NIPBL: variants seen among roughly 807,000 people sequenced by gnomAD.
The protein encoded by NIPBL is NIPBL cohesin loading factor.
Under a neutral mutation model 321.8 loss-of-function variants are expected in NIPBL, and 19 were observed. That is an observed-to-expected ratio of 0.06 (90% CI 0.04 to 0.09). NIPBL has a LOEUF of 0.09. Ranked by LOEUF, NIPBL falls within the 10% of genes least tolerant of loss-of-function variation. The pLI, the probability that NIPBL is intolerant of heterozygous loss-of-function variation, is 1.00. For missense variants in NIPBL, 2,210 were observed against 3,327.0 expected (o/e 0.66, Z 8.26); for synonymous variants, 1,106 against 1,114.1 (o/e 0.99, Z 0.14).
intron 42 of NIPBL, among the ~76,000 whole-genome samples, chr5:37,054,079 C>G (rs962508856): frequency 6.6e-6 from 1 of 151,854 alleles, no homozygotes; most frequent in Non-Finnish European, 1.5e-5. Flanking sequence ...GCCTGTAATC[C>G]CAGCTACTCA....
intron 32 of NIPBL, among the ~76,000 whole-genome samples, chr5:37,033,705 C>CACACACACATATATATAT (rs1415570935): frequency 2.5e-5 from 2 of 80,240 alleles, no homozygotes; most frequent in African/African-American, 9.6e-5. Flanking sequence ...CACACACACA[C>CACACACACATATATATAT]ATATATATAT....
intron 1 of NIPBL, among the ~76,000 whole-genome samples, chr5:36,896,714 C>T (rs12516349): frequency 1.3e-5 from 2 of 152,150 alleles, no homozygotes; most frequent in East Asian, 3.9e-4. Context: ...ATTATTGTTC[C>T]TTAGCCTCCG....
At chr5:36,908,795 T>G (rs1008435551) in intron 1 of NIPBL, among the ~76,000 whole-genome samples, 1 of 152,208 alleles carries the variant, frequency 6.6e-6, no homozygotes, top group Admixed American at 6.6e-5. Flanking sequence ...TTAAAAAGTT[T>G]AAGCAGAGAC....
chr5:37,044,286 G>A (rs979231687), intron 34 of NIPBL, 61 bp from the exon 35 acceptor site: 5 of 1,486,728 alleles, frequency 3.4e-6, no homozygotes, highest in Non-Finnish European at 4.7e-6. Flanking sequence ...AATACGTAAA[G>A]CTGTATATAG....
At chr5:37,059,211 A>G (rs766414298) in intron 44 of NIPBL, 46 bp downstream of exon 44, 16 of 1,602,384 alleles carry the variant, frequency 1.0e-5, no homozygotes, top group East Asian at 4.5e-5. Flanking sequence ...CTCTGTTCAA[A>G]TAATAAATAT....
intron 32 of NIPBL, among the ~76,000 whole-genome samples, chr5:37,033,730 A>ATTT (rs58081432): frequency 6.0e-4 from 13 of 21,504 alleles, no homozygotes; most frequent in Middle Eastern, 0.033. Flanking sequence ...ATATATATAT[A>ATTT]TTTTTTTTTT....
At chr5:37,026,866 T>C (rs1177801751) in intron 31 of NIPBL, among the ~76,000 whole-genome samples, 2 of 150,310 alleles carry the variant, frequency 1.3e-5, no homozygotes, top group East Asian at 3.9e-4. Flanking sequence ...TGCCTGTGAA[T>C]AGGCACTACA....
At chr5:36,924,549 T>C (rs947611931) in intron 1 of NIPBL, among the ~76,000 whole-genome samples, 4 of 152,184 alleles carry the variant, frequency 2.6e-5, no homozygotes, top group African/African-American at 9.7e-5. Context: ...TCAGGAACAC[T>C]GTATTGTCTT....
At chr5:36,918,631 TG>T (rs1369223174) in intron 1 of NIPBL, among the ~76,000 whole-genome samples, 6 of 152,210 alleles carry the variant, frequency 3.9e-5, no homozygotes, top group Non-Finnish European at 8.8e-5. Context: ...TTCCAGTTTT[TG>T]CCCATTCAGT....
chr5:37,047,189 C>T (rs1416987509), intron 38 of NIPBL, among the ~76,000 whole-genome samples: 1 of 152,038 alleles, frequency 6.6e-6, no homozygotes, highest in Admixed American at 6.6e-5. Flanking sequence ...TTTTGGTATC[C>T]CTGGGAGGTT....
At chr5:36,909,677 GA>G (rs1336875092) in intron 1 of NIPBL, among the ~76,000 whole-genome samples, 3 of 152,040 alleles carry the variant, frequency 2.0e-5, no homozygotes, top group African/African-American at 7.2e-5. Flanking sequence ...TATAAATAGA[GA>G]AAAGGTTAAA....
rs979760892 is a variant in NIPBL, at chr5:36,886,141, A to G, written c.-80+8963A>G. ...CCTTGGAGATCCATCTGGACTTGAT[A>G]AGAAATCTGAAGGCCAGCTTCTGGA... On this transcript the variant is annotated intron_variant, in intron 1 of 46. Coordinates refer to ENST00000282516, the MANE Select transcript of NIPBL (RefSeq NM_133433.4). 1.6e-5 allele frequency: 10 copies of G among 644,132 alleles called. No individual in the cohort carries two copies. The African/African-American group carries it at 1.6e-4, about 10-fold the overall frequency. 39.9% of individuals were successfully genotyped at this position (644,132 alleles called of 1,614,324 possible).
At chr5:36,982,382 A>G (rs914509593) in intron 9 of NIPBL, among the ~76,000 whole-genome samples, 2 of 151,812 alleles carry the variant, frequency 1.3e-5, no homozygotes, top group African/African-American at 4.8e-5. Flanking sequence ...TCATGGTGGA[A>G]TTGAATCAGA....
Position 36,876,905 on chromosome 5 carries a change from C to T in NIPBL, c.-353C>T, listed in dbSNP as rs1580120142. 1 of 396,096 alleles carries T rather than the reference C, an allele frequency of 2.5e-6. No individual in the cohort carries two copies. The highest frequency in any genetic ancestry group is 1.3e-4 in the South Asian group (1 of 7,738). The allele number at this position is 396,096 out of a possible 1,614,324, so 24.5% of individuals were successfully genotyped here. A position where few individuals can be genotyped will look rare whatever the true frequency, so the allele number is the denominator to read the frequency against. ...CCGCAGGGAGGGACGCCCCCGCCGA[C>T]AGGAGAATTGGTTCCCGGGCCCGCG... On this transcript the variant is annotated 5_prime_UTR_variant, in exon 1 of 47. Transcript: ENST00000282516.
chr5:37,036,692 T>C lies in NIPBL; in HGVS notation c.5971+205T>C, dbSNP rs150180288. Among the ~76,000 whole-genome samples the C allele has an allele frequency of 7.9e-4, 119 of 150,984 alleles. No homozygotes were observed. In the East Asian group the frequency reaches 0.014, roughly 17 times the overall value. ...AGATTGACTAAGATTATCTAGAGCA[T>C]TGTAATAAAAGCATGGGCCTCACCT... On this transcript the variant is annotated intron_variant, in intron 33 of 46. Transcript: ENST00000282516.
At chr5:36,952,051 TGTGC>T (rs1554010253) in intron 1 of NIPBL, among the ~76,000 whole-genome samples, 206 of 102,882 alleles carry the variant, frequency 2.0e-3, no homozygotes, top group African/African-American at 4.0e-3. Flanking sequence ...TGTGTGTGTG[TGTGC>T]GCGCGCGCGC....
At chr5:37,054,594 T>C (rs1192870486) in intron 42 of NIPBL, among the ~76,000 whole-genome samples, 1 of 152,206 alleles carries the variant, frequency 6.6e-6, no homozygotes, top group Non-Finnish European at 1.5e-5. Flanking sequence ...CACTGCCTGC[T>C]TTATGTCATT....
At chr5:37,027,870 C>T (rs192366162) in intron 32 of NIPBL, among the ~76,000 whole-genome samples, 20 of 152,028 alleles carry the variant, frequency 1.3e-4, no homozygotes, top group East Asian at 5.8e-4. Flanking sequence ...CTGCGTGCCT[C>T]GGCCTCCCAA....
chr5:36,980,286 C>T (rs568174142), intron 9 of NIPBL, among the ~76,000 whole-genome samples: 1 of 151,726 alleles, frequency 6.6e-6, no homozygotes, highest in East Asian at 1.9e-4. Flanking sequence ...GTTGAATGAG[C>T]AGAGTTGACA....
Sources: allele counts gnomAD v4.1 joint callset (sites outside exome capture counted in the v4.1 genomes callset), GRCh38; gene constraint gnomAD v4.1.1; transcripts MANE v1.5; gene names NCBI Gene and HGNC (gene_info 2026-07-23, HGNC 2026-07-21).